USP15: variants seen among roughly 807,000 people sequenced by gnomAD.
USP15 encodes the protein ubiquitin specific peptidase 15.
USP15 carries 18 observed loss-of-function variants against 127.1 expected under a neutral mutation model. That is an observed-to-expected ratio of 0.14 (90% CI 0.10 to 0.21). USP15 has a LOEUF of 0.21. Ranked by LOEUF, USP15 falls within the 10% of genes least tolerant of loss-of-function variation. The probability of loss-of-function intolerance (pLI) is 1.00; values close to 1 mark genes in which losing one functional copy is unlikely to be tolerated. For missense variants in USP15, 805 were observed against 1,159.9 expected (o/e 0.69, Z 4.44); for synonymous variants, 364 against 393.7 (o/e 0.92, Z 0.89).
intron 21 of USP15, among the ~76,000 whole-genome samples, chr12:62,401,982 C>T (rs968463579): frequency 4.0e-5 from 6 of 150,460 alleles, no homozygotes; most frequent in Non-Finnish European, 8.9e-5. Context: ...GACTTGAATA[C>T]TATAAATTTT....
chr12:62,391,986 AAT>A (rs1364851971), intron 17 of USP15, 100 bp downstream of exon 17: 17 of 1,190,748 alleles, frequency 1.4e-5, no homozygotes, highest in Middle Eastern at 2.0e-4. Context: ...GCTTCCACCA[AAT>A]ATGTTTATTT....
Position 62,396,275 on chromosome 12 carries a change from T to A in USP15, c.2571-20T>A, listed in dbSNP as rs1592732091. On this transcript the variant is annotated intron_variant, in intron 19 of 21. Transcript: ENST00000280377. Reference sequence around the variant, plus strand: ...ATTTAGGGACAACATAAAAATTAACTTGGTTTCTTTTTTAAACAGTGACTT... The same window carrying A: ...ATTTAGGGACAACATAAAAATTAACATGGTTTCTTTTTTAAACAGTGACTT... The A allele has an allele frequency of 6.5e-7, 1 of 1,547,804 alleles. No individual in the cohort carries two copies. Among genetic ancestry groups the A allele is most frequent in the East Asian group, 2.3e-5 (1 of 44,104 alleles).
intron 14 of USP15, among the ~76,000 whole-genome samples, chr12:62,390,419 G>A (rs1182884996): frequency 6.6e-6 from 1 of 152,014 alleles, no homozygotes; most frequent in Non-Finnish European, 1.5e-5. Flanking sequence ...TTGCCTTCCT[G>A]AATAAATCCC....
intron 1 of USP15, chr12:62,274,309 A>G (rs2063419659): frequency 1.3e-5 from 2 of 152,030 alleles, no homozygotes; most frequent in African/African-American, 2.4e-5. Context: ...AGCCTGGGGA[A>G]CATAGGATTT....
At chr12:62,263,518 T>C (rs2063120659) in intron 1 of USP15, among the ~76,000 whole-genome samples, 1 of 152,206 alleles carries the variant, frequency 6.6e-6, no homozygotes, top group African/African-American at 2.4e-5. Flanking sequence ...TTGTAAGCAG[T>C]GAATGATTTT....
chr12:62,368,683 T>C lies in USP15; in HGVS notation c.916-12807T>C, dbSNP rs1228058512. ...TGGTAAATATTCTTCCATCCTTTTA[T>C]TTTGAGCCTATGTGTGTCTTTGCAC... is the stretch of plus-strand genomic sequence containing the variant. On this transcript the variant is annotated intron_variant, in intron 8 of 21. Coordinates refer to ENST00000280377, the MANE Select transcript of USP15 (RefSeq NM_001252078.2). Among the ~76,000 whole-genome samples, 4 of 152,226 alleles carry C rather than the reference T, an allele frequency of 2.6e-5. No individual in the cohort carries two copies. The East Asian group carries it at 7.7e-4, about 29-fold the overall frequency.
At chr12:62,330,933 GAA>G (rs36008434) in intron 6 of USP15, among the ~76,000 whole-genome samples, 13 of 120,326 alleles carry the variant, frequency 1.1e-4, no homozygotes, top group African/African-American at 1.9e-4. Context: ...CTCCAAAAAG[GAA>G]AAAAAAAAAA....
chr12:62,363,248 T>C (rs1309226442), intron 8 of USP15, among the ~76,000 whole-genome samples: 2 of 152,126 alleles, frequency 1.3e-5, no homozygotes, highest in Non-Finnish European at 2.9e-5. Context: ...GCATTTTCTA[T>C]TACTTAGGCA....
chr12:62,285,473 T>A (rs1199420482), intron 1 of USP15, among the ~76,000 whole-genome samples: 1 of 152,128 alleles, frequency 6.6e-6, no homozygotes, highest in Non-Finnish European at 1.5e-5. Context: ...TGTCTTTGTG[T>A]TTGTGTATGT....
chr12:62,382,745 G>C (rs868709575), intron 9 of USP15, among the ~76,000 whole-genome samples: 1 of 151,862 alleles, frequency 6.6e-6, no homozygotes. Flanking sequence ...TAATGTTTCT[G>C]TTATCTCTGT....
At chr12:62,327,658 T>G (rs777248534) in intron 6 of USP15, 7 of 437,820 alleles carry the variant, frequency 1.6e-5, no homozygotes, top group Non-Finnish European at 2.7e-5. Flanking sequence ...TATTCCCTAA[T>G]AGCACAATAT....
At chr12:62,337,472 A>C (rs2065505791) in intron 6 of USP15, among the ~76,000 whole-genome samples, 1 of 151,862 alleles carries the variant, frequency 6.6e-6, no homozygotes, top group African/African-American at 2.4e-5. Context: ...TCTTTTTTAA[A>C]TTTTATTTTA....
At chr12:62,330,108 A>G (rs896802614) in intron 6 of USP15, among the ~76,000 whole-genome samples, 5 of 152,202 alleles carry the variant, frequency 3.3e-5, no homozygotes, top group African/African-American at 9.6e-5. Context: ...GAAAGAAACA[A>G]TGAGATTCAT....
intron 1 of USP15, among the ~76,000 whole-genome samples, chr12:62,273,116 T>G (rs1305879237): frequency 1.3e-5 from 2 of 151,368 alleles, no homozygotes; most frequent in African/African-American, 4.9e-5. Flanking sequence ...TAGTCATTCC[T>G]TCAACACTCA....
At position 62,409,345 on chromosome 12, in the gene USP15, T is replaced by C. The variant is rs1366179147; in HGVS notation, c.*4970T>C. On this transcript the variant is annotated 3_prime_UTR_variant, in exon 22 of 22. Transcript: ENST00000280377. ...TCTCAAAGGACAGAGAGAAAATCAG[T>C]CAAATGGGTTTTGATATTTTTTTTT... 1 of 152,126 alleles carries C rather than the reference T, an allele frequency of 6.6e-6. No individual in the cohort carries two copies. Among genetic ancestry groups the C allele is most frequent in the Non-Finnish European group, 1.5e-5 (1 of 68,000 alleles). 9.4% of individuals were successfully genotyped at this position (152,126 alleles called of 1,614,324 possible).
At chr12:62,284,474 A>G (rs1006318836) in intron 1 of USP15, among the ~76,000 whole-genome samples, 22 of 152,204 alleles carry the variant, frequency 1.4e-4, no homozygotes, top group Non-Finnish European at 7.3e-5. Context: ...AGTTAAACTC[A>G]TGAATATTCT....
At chr12:62,367,641 G>A (rs916835876) in intron 8 of USP15, among the ~76,000 whole-genome samples, 2 of 151,954 alleles carry the variant, frequency 1.3e-5, no homozygotes, top group Non-Finnish European at 2.9e-5. Context: ...ATTTCTGTGG[G>A]GTCAGTGGTG....
chr12:62,343,274 G>A (rs957591519), intron 6 of USP15, among the ~76,000 whole-genome samples: 3 of 152,078 alleles, frequency 2.0e-5, no homozygotes, highest in African/African-American at 4.8e-5. Context: ...AAACAAGCTC[G>A]ATCGTCCCAG....
chr12:62,380,244 G>T (rs2066949340), intron 8 of USP15, among the ~76,000 whole-genome samples: 1 of 151,582 alleles, frequency 6.6e-6, no homozygotes, highest in South Asian at 2.1e-4. Context: ...TATATAGAAA[G>T]TTTCTAAATA....
Sources: gnomAD v4.1 joint callset for allele counts (sites outside exome capture counted in the v4.1 genomes callset) on GRCh38, gnomAD v4.1.1 for gene constraint, MANE v1.5 for transcripts, NCBI Gene and HGNC (gene_info 2026-07-23, HGNC 2026-07-21) for gene names.